The following SRC variants were observed in gnomAD, a reference collection of about 807,000 sequenced individuals.
The protein encoded by SRC is SRC proto-oncogene, non-receptor tyrosine kinase.
In SRC, 13 loss-of-function variants were observed where a neutral mutation model predicts 62.9. The ratio of observed to expected loss-of-function variants is 0.21; its 90% CI spans 0.13 to 0.33. SRC has a LOEUF of 0.33. Ranked by LOEUF, SRC falls within the 10% of genes least tolerant of loss-of-function variation. The probability of loss-of-function intolerance (pLI) is 1.00; values close to 1 mark genes in which losing one functional copy is unlikely to be tolerated. For synonymous variants in SRC, 302 were observed against 317.5 expected, an observed-to-expected ratio of 0.95 and a Z score of 0.52; for missense variants, 457 against 737.3, an observed-to-expected ratio of 0.62 and a Z score of 4.40.
intron 2 of SRC, among the ~76,000 whole-genome samples, chr20:37,378,172 T>A (rs1360029992): frequency 6.8e-6 from 1 of 147,780 alleles, no homozygotes. Flanking sequence ...TTTTTTTTTT[T>A]TTTTTTTTGA....
intron 2 of SRC, among the ~76,000 whole-genome samples, chr20:37,368,784 C>A (rs1235066641): frequency 1.3e-5 from 2 of 151,830 alleles, no homozygotes; most frequent in Admixed American, 6.6e-5. Context: ...ATCTCCTGAC[C>A]TCGTGATCCG....
intron 1 of SRC, among the ~76,000 whole-genome samples, chr20:37,347,341 TG>T (rs1385877653): frequency 6.6e-6 from 1 of 152,184 alleles, no homozygotes; most frequent in Non-Finnish European, 1.5e-5. Flanking sequence ...GCCCCCTGGC[TG>T]GGGGATCAAG....
chr20:37,356,109 G>A (rs1008923721), intron 1 of SRC, among the ~76,000 whole-genome samples: 3 of 152,336 alleles, frequency 2.0e-5, no homozygotes, highest in East Asian at 3.9e-4. Flanking sequence ...GCAAAAGGTA[G>A]GGGCTGACCT....
Position 37,404,190 on chromosome 20 carries a change from C to T in SRC, c.*811C>T, listed in dbSNP as rs148938613. The T allele has an allele frequency of 1.0e-4, 24 of 233,704 alleles. 1 individual carries two copies. The highest frequency in any genetic ancestry group is 5.1e-4 in the African/African-American group (23 of 45,410). 14.5% of individuals were successfully genotyped at this position (233,704 alleles called of 1,614,324 possible). The stretch of plus-strand genomic sequence containing the variant: ...AGGCATCATGGAAAGACTGGGACAG[C>T]CCAGGAAACAAGGGGTCTGAGGATG... On this transcript the variant is annotated 3_prime_UTR_variant, in exon 14 of 14. Transcript: ENST00000373578.
chr20:37,373,067 T>C (rs1044068306), intron 2 of SRC, among the ~76,000 whole-genome samples: 2 of 151,706 alleles, frequency 1.3e-5, no homozygotes, highest in Admixed American at 6.6e-5. Flanking sequence ...TATACACACA[T>C]ATACACACAT....
chr20:37,388,925 C>G (rs2070498985), intron 5 of SRC, among the ~76,000 whole-genome samples: 1 of 152,110 alleles, frequency 6.6e-6, no homozygotes, highest in Non-Finnish European at 1.5e-5. Flanking sequence ...TCCATCAGTG[C>G]TCAGGGCCTA....
chr20:37,384,355 A>G lies in SRC; in HGVS notation c.202A>G (p.Asn68Asp), dbSNP rs956880395. 8 of 1,464,914 alleles carry G rather than the reference A, an allele frequency of 5.5e-6. No homozygotes were observed. In the Admixed American group the frequency reaches 1.8e-4, roughly 34 times the overall value. The allele number at this position is 1,464,914 out of a possible 1,614,324, so 90.7% of individuals were successfully genotyped here. A position where few individuals can be genotyped will look rare whatever the true frequency, so the allele number is the denominator to read the frequency against. ...CGAGCCCAAGCTGTTCGGAGGCTTC[A>G]ACTCCTCGGACACCGTCACCTCCCC... ...AAEPKLFGGFNSSDTVTSPQR... is the reference protein window; with the variant it reads ...AAEPKLFGGFDSSDTVTSPQR... Residue 68 changes from asparagine to aspartate, a missense_variant, in exon 4 of 14, where the codon AAC becomes GAC. Asn to Asp is a conservative substitution (Grantham distance 23). This residue lies in a region of SRC where 132 missense variants were observed against 135.4 expected (regional missense o/e 0.98). Coordinates refer to ENST00000373578, the MANE Select transcript of SRC (RefSeq NM_198291.3). This position sits in a 1 kb window ranked among gnomAD's most constrained non-coding sequence, Gnocchi z 6.7.
In SRC at chr20:37,405,033, C is replaced by G. The variant is rs1295953490; in HGVS notation, c.*1654C>G. 1 of 232,188 alleles carries G rather than the reference C, an allele frequency of 4.3e-6. No homozygotes were observed. Among genetic ancestry groups the G allele is most frequent in the Non-Finnish European group, 8.5e-6 (1 of 117,274 alleles). The allele number at this position is 232,188 out of a possible 1,614,324, so 14.4% of individuals were successfully genotyped here. A position where few individuals can be genotyped will look rare whatever the true frequency, so the allele number is the denominator to read the frequency against. Reference sequence around the variant, plus strand: ...ATTCCCACTGCCAGGGGTTCTTGAGCCAGCCAGGCCCTGCCAGTGGGGAAG... The same window carrying G: ...ATTCCCACTGCCAGGGGTTCTTGAGGCAGCCAGGCCCTGCCAGTGGGGAAG... On this transcript the variant is annotated 3_prime_UTR_variant, in exon 14 of 14. Coordinates refer to ENST00000373578, the MANE Select transcript of SRC (RefSeq NM_198291.3).
rs1444351557 is a variant in SRC at position 37,351,640 on chromosome 20, CT to C, written c.-247+5387del. Among the ~76,000 whole-genome samples, 1 of 152,160 alleles carries C rather than the reference CT, an allele frequency of 6.6e-6. No individual in the cohort carries two copies. Among genetic ancestry groups the C allele is most frequent in the Admixed American group, 6.5e-5 (1 of 15,272 alleles). ...AGGCTGCTTTGCCCAAATTCATGGC[CT>C]TGACTTTTACCTTGTCTGATGTCGA... On this transcript the variant is annotated intron_variant, in intron 1 of 13. Coordinates refer to ENST00000373578, the MANE Select transcript of SRC (RefSeq NM_198291.3). This position sits in a 1 kb window ranked among gnomAD's most constrained non-coding sequence, Gnocchi z 4.4.
Position 37,359,272 on chromosome 20 carries a change from A to G in SRC, c.-246-5932A>G, listed in dbSNP as rs376731864. Among the ~76,000 whole-genome samples, 12 of 152,360 alleles carry G rather than the reference A, an allele frequency of 7.9e-5. No homozygotes were observed. In the East Asian group the frequency reaches 2.3e-3, roughly 29 times the overall value. Reference sequence around the variant, plus strand: ...ATCCCACAAATATTTTCTGTGCTCAACAATGTTCTAGAGCTGCAGATAGCA... The same window carrying G: ...ATCCCACAAATATTTTCTGTGCTCAGCAATGTTCTAGAGCTGCAGATAGCA... On this transcript the variant is annotated intron_variant, in intron 1 of 13. Coordinates refer to ENST00000373578, the MANE Select transcript of SRC (RefSeq NM_198291.3).
At chr20:37,393,097 AC>A (rs1179101756) in intron 5 of SRC, among the ~76,000 whole-genome samples, 13 of 147,260 alleles carry the variant, frequency 8.8e-5, no homozygotes, top group Middle Eastern at 3.4e-3. Context: ...TCCCCATCAC[AC>A]CCCCCACTCC....
intron 1 of SRC, among the ~76,000 whole-genome samples, chr20:37,349,102 C>T (rs1391839686): frequency 6.6e-6 from 1 of 152,108 alleles, no homozygotes; most frequent in African/African-American, 2.4e-5. Flanking sequence ...ATCGGTGTCC[C>T]CTGTGTGAAC....
rs117509667 is a variant in SRC at position 37,377,993 on chromosome 20, C to T, written c.-172-4626C>T. Among the ~76,000 whole-genome samples, 1,307 of 151,718 alleles carry T rather than the reference C, an allele frequency of 8.6e-3. 9 individuals are homozygous for T. Among genetic ancestry groups the T allele is most frequent in the Non-Finnish European group, 0.014 (958 of 67,930 alleles). On this transcript the variant is annotated intron_variant, in intron 2 of 13. Coordinates refer to ENST00000373578, the MANE Select transcript of SRC (RefSeq NM_198291.3). ...ATCACATCAGGGTAAGTAGGGTATC[C>T]GTCACCTCAGTTATCATTCCTTTGT...
chr20:37,388,452 G>T (rs752077981), intron 5 of SRC, among the ~76,000 whole-genome samples: 2 of 152,198 alleles, frequency 1.3e-5, no homozygotes, highest in African/African-American at 4.8e-5. Context: ...TCGCTTAGAC[G>T]TCAGAGATGG....
Position 37,403,203 on chromosome 20 carries a change from G to A in SRC, c.1435G>A (p.Glu479Lys). 1 of 1,562,754 alleles carries A rather than the reference G, an allele frequency of 6.4e-7. No individual in the cohort carries two copies. The highest frequency in any genetic ancestry group is 8.6e-7 in the Non-Finnish European group (1 of 1,157,856). Residue 479 changes from glutamate (E) to lysine (K), a missense_variant, in exon 14 of 14, where the codon GAG becomes AAG. Around this residue, in one of 4 missense-constraint regions of SRC, gnomAD observed 168 missense variants for 357.8 expected, o/e 0.47. Transcript: ENST00000373578. This position sits in a 1 kb window ranked among gnomAD's most constrained non-coding sequence, Gnocchi z 7.1. ...GAACCGCGAGGTGCTGGACCAGGTG[G>A]AGCGGGGCTACCGGATGCCCTGCCC... is the stretch of plus-strand genomic sequence containing the variant. ...MVNREVLDQVERGYRMPCPPE... is the reference protein window; with the variant it reads ...MVNREVLDQVKRGYRMPCPPE...
Position 37,403,354 on chromosome 20 carries a change from A to T in SRC, c.1586A>T (p.Gln529Leu), listed in dbSNP as rs562042369. The change falls in exon 14 of 14, where the codon CAG (glutamine) becomes CTG (leucine). Residue 529 changes from glutamine (Q) to leucine (L), a missense_variant. Coordinates refer to ENST00000373578, the MANE Select transcript of SRC (RefSeq NM_198291.3). This position sits in a 1 kb window ranked among gnomAD's most constrained non-coding sequence, Gnocchi z 7.1. ...GACTACTTCACGTCCACCGAGCCCC[A>T]GTACCAGCCCGGGGAGAACCTCTAG... The part of the protein sequence containing the change: ...LEDYFTSTEP[Q>L]YQPGENL 6.2e-7 allele frequency: 1 copy of T among 1,605,900 alleles called. No individual in the cohort carries two copies. Among genetic ancestry groups the T allele is most frequent in the African/African-American group, 1.3e-5 (1 of 74,900 alleles).
At position 37,384,222 on chromosome 20, in the gene SRC, C is replaced by CGTGCACGGCGCTGGCGGGGGCGCT; in HGVS notation, c.70_93dup (p.Val24_Ala31dup). 1 of 1,593,482 alleles carries CGTGCACGGCGCTGGCGGGGGCGCT rather than the reference C, an allele frequency of 6.3e-7. No individual in the cohort carries two copies. The highest frequency in any genetic ancestry group is 8.5e-7 in the Non-Finnish European group (1 of 1,174,812). ...GCCGCAGCCTGGAGCCCGCCGAGAACGTGCACGGCGCTGGCGGGGGCGCTT... is the reference window on the plus strand; with the variant it reads ...GCCGCAGCCTGGAGCCCGCCGAGAACGTGCACGGCGCTGGCGGGGGCGCTGTGCACGGCGCTGGCGGGGGCGCTT... On this transcript the variant is annotated inframe_insertion, in exon 4 of 14. Coordinates refer to ENST00000373578, the MANE Select transcript of SRC (RefSeq NM_198291.3). The surrounding 1 kb of genome is among the most constrained non-coding windows in gnomAD (Gnocchi z 6.7).
rs539239053 is a variant in SRC, at chr20:37,372,913, A to C, written c.-173+7636A>C. 3.9e-5 allele frequency among the ~76,000 whole-genome samples: 6 copies of C among 152,018 alleles called. No individual in the cohort carries two copies. In the East Asian group the frequency reaches 9.7e-4, roughly 24 times the overall value. Reference sequence around the variant, plus strand: ...TGAGCCATATCAGATTTTTATGTAGATTGATTTATCATTTAAAAAATGGTT... The same window carrying C: ...TGAGCCATATCAGATTTTTATGTAGCTTGATTTATCATTTAAAAAATGGTT... On this transcript the variant is annotated intron_variant, in intron 2 of 13. Coordinates refer to ENST00000373578, the MANE Select transcript of SRC (RefSeq NM_198291.3).
intron 2 of SRC, among the ~76,000 whole-genome samples, chr20:37,373,059 TAC>T (rs1158594034): frequency 7.4e-5 from 11 of 148,112 alleles, no homozygotes; most frequent in East Asian, 1.9e-4. Flanking sequence ...TATACATATA[TAC>T]ACACATATAC....
Sources: allele counts gnomAD v4.1 joint callset (sites outside exome capture counted in the v4.1 genomes callset), GRCh38; gene constraint gnomAD v4.1.1; regional missense constraint gnomAD v4.1.1; non-coding constraint Gnocchi (gnomAD v3.1); transcripts MANE v1.5; gene names NCBI Gene and HGNC (gene_info 2026-07-23, HGNC 2026-07-21).